TRPM3: variants seen among roughly 807,000 people sequenced by gnomAD.
The protein encoded by TRPM3 is transient receptor potential cation channel subfamily M member 3.
Under a neutral mutation model 181.2 loss-of-function variants are expected in TRPM3, and 77 were observed. That is an observed-to-expected ratio of 0.42 (90% CI 0.35 to 0.51). The LOEUF (loss-of-function observed/expected upper bound fraction) is 0.51, where lower values mean the gene tolerates loss of function less well. Among genes scored for constraint, TRPM3 ranks in the 20% least tolerant of loss-of-function variants. TRPM3 has a pLI of 0.01. For missense variants in TRPM3, 1,759 were observed against 2,196.7 expected (o/e 0.80, Z 3.98); for synonymous variants, 745 against 796.4 (o/e 0.94, Z 1.09).
At chr9:70,620,721 C>T (rs1430393442) in intron 15 of TRPM3, among the ~76,000 whole-genome samples, 4 of 151,960 alleles carry the variant, frequency 2.6e-5, no homozygotes, top group Non-Finnish European at 4.4e-5. Context: ...ATAAGGACAT[C>T]CTAGATTTTT....
At chr9:70,909,721 T>C (rs1465906750) in intron 1 of TRPM3, among the ~76,000 whole-genome samples, 1 of 152,194 alleles carries the variant, frequency 6.6e-6, no homozygotes, top group African/African-American at 2.4e-5. Flanking sequence ...AATAAACATA[T>C]ATAAGATCAA....
chr9:70,667,408 G>T (rs1432863227), intron 9 of TRPM3, among the ~76,000 whole-genome samples: 1 of 152,188 alleles, frequency 6.6e-6, no homozygotes, highest in Non-Finnish European at 1.5e-5. Flanking sequence ...TGGGAACCAA[G>T]TTGGGGAAGA....
At chr9:70,572,424 A>C (rs1297853335) in intron 22 of TRPM3, among the ~76,000 whole-genome samples, 1 of 152,166 alleles carries the variant, frequency 6.6e-6, no homozygotes, top group African/African-American at 2.4e-5. Context: ...GCTAAACTCC[A>C]AACTTGATAC....
At chr9:71,146,639 AC>A (rs1379000121) in intron 1 of TRPM3, among the ~76,000 whole-genome samples, 18 of 152,244 alleles carry the variant, frequency 1.2e-4, no homozygotes, top group African/African-American at 3.4e-4. Flanking sequence ...TGGAAATACA[AC>A]CATTCTGTCA....
intron 1 of TRPM3, among the ~76,000 whole-genome samples, chr9:71,306,990 C>CCT (rs1386343334): frequency 1.3e-5 from 2 of 152,228 alleles, no homozygotes; most frequent in Non-Finnish European, 2.9e-5. Flanking sequence ...AAACTTAACA[C>CCT]TTCATAGATT....
chr9:71,005,274 G>A (rs1470778414), intron 1 of TRPM3, among the ~76,000 whole-genome samples: 1 of 151,890 alleles, frequency 6.6e-6, no homozygotes, highest in Non-Finnish European at 1.5e-5. Flanking sequence ...GGCATGGTAG[G>A]GCATGCCTGT....
At chr9:70,787,182 A>T (rs529366517) in intron 6 of TRPM3, among the ~76,000 whole-genome samples, 1 of 152,216 alleles carries the variant, frequency 6.6e-6, no homozygotes, top group Non-Finnish European at 1.5e-5. Flanking sequence ...TTTCAGGATA[A>T]TGATTTCCTA....
intron 1 of TRPM3, among the ~76,000 whole-genome samples, chr9:70,935,632 T>A (rs1026666455): frequency 2.6e-5 from 4 of 152,210 alleles, no homozygotes; most frequent in African/African-American, 9.6e-5. Context: ...GTGTGTCCTA[T>A]ATACTTGTCT....
At chr9:70,751,811 G>A (rs952984362) in intron 8 of TRPM3, among the ~76,000 whole-genome samples, 2 of 151,966 alleles carry the variant, frequency 1.3e-5, no homozygotes, top group Admixed American at 1.3e-4. Flanking sequence ...AAGAAGAGGG[G>A]CACTACTTCC....
intron 8 of TRPM3, among the ~76,000 whole-genome samples, chr9:70,688,622 G>A (rs1441493776): frequency 1.3e-5 from 2 of 152,104 alleles, no homozygotes; most frequent in African/African-American, 2.4e-5. Context: ...CCAATCCCAC[G>A]TACCTGATGC....
intron 1 of TRPM3, among the ~76,000 whole-genome samples, chr9:71,403,296 A>C (rs1431972916): frequency 6.6e-6 from 1 of 152,202 alleles, no homozygotes; most frequent in African/African-American, 2.4e-5. Flanking sequence ...ATGGACCTCA[A>C]AGCCTAAAAT....
intron 1 of TRPM3, among the ~76,000 whole-genome samples, chr9:71,352,125 T>C (rs1436935639): frequency 2.0e-5 from 3 of 152,160 alleles, no homozygotes; most frequent in African/African-American, 7.2e-5. Context: ...TCCACCCACC[T>C]CAGCCTCCCA....
chr9:70,640,435 AC>A (rs1341209102), intron 10 of TRPM3, 124 bp downstream of exon 10: 3 of 671,842 alleles, frequency 4.5e-6, no homozygotes, highest in Non-Finnish European at 7.5e-6. Flanking sequence ...AGACTTTGCT[AC>A]CAAGGAACAC....
chr9:70,785,394 T>G (rs2083390412), intron 6 of TRPM3, among the ~76,000 whole-genome samples: 1 of 152,222 alleles, frequency 6.6e-6, no homozygotes, highest in Non-Finnish European at 1.5e-5. Flanking sequence ...AACTTCCTTT[T>G]GTTCAATTTG....
chr9:70,779,643 T>G (rs916971248), intron 7 of TRPM3, among the ~76,000 whole-genome samples: 1 of 152,148 alleles, frequency 6.6e-6, no homozygotes, highest in African/African-American at 2.4e-5. Context: ...AGTACTACAG[T>G]TCATATTGCT....
chr9:71,406,612 G>A (rs1406547504), intron 1 of TRPM3, among the ~76,000 whole-genome samples: 1 of 152,130 alleles, frequency 6.6e-6, no homozygotes, highest in African/African-American at 2.4e-5. Context: ...AAAGCAGTGT[G>A]ACTAAAACTT....
At chr9:70,758,999 A>G (rs2077588699) in intron 8 of TRPM3, among the ~76,000 whole-genome samples, 1 of 152,258 alleles carries the variant, frequency 6.6e-6, no homozygotes, top group Non-Finnish European at 1.5e-5. Context: ...ATCAAACTAA[A>G]GAGCTTCTGC....
chr9:70,642,214 G>A (rs1440618855), intron 9 of TRPM3, among the ~76,000 whole-genome samples: 1 of 152,104 alleles, frequency 6.6e-6, no homozygotes, highest in African/African-American at 2.4e-5. Context: ...CTGGGGACTG[G>A]GTCTTATTGT....
chr9:71,263,057 C>T (rs1043692188), intron 1 of TRPM3, among the ~76,000 whole-genome samples: 34 of 152,192 alleles, frequency 2.2e-4, no homozygotes, highest in African/African-American at 8.2e-4. Flanking sequence ...ATGACGATGG[C>T]TTTAAGGCAA....
Sources: gnomAD v4.1 joint callset for allele counts (sites outside exome capture counted in the v4.1 genomes callset) on GRCh38, gnomAD v4.1.1 for gene constraint, MANE v1.5 for transcripts, NCBI Gene and HGNC (gene_info 2026-07-23, HGNC 2026-07-21) for gene names.